The following CSMD1 variants were observed in gnomAD, a reference collection of about 807,000 sequenced individuals.
CSMD1 encodes CUB and sushi domain-containing protein 1.
In CSMD1, 213 loss-of-function variants were observed where a neutral mutation model predicts 417.5. The observed-to-expected ratio is 0.51, with a 90% CI of 0.46 to 0.57. The LOEUF is 0.57. Among genes scored for constraint, CSMD1 ranks in the 20% least tolerant of loss-of-function variants. CSMD1 has a pLI of 0.00. For missense variants in CSMD1, 6,923 were observed against 4,529.7 expected (o/e 1.53, Z -15.17); for synonymous variants, 2,862 against 1,736.8 (o/e 1.65, Z -16.11).
intron 7 of CSMD1, among the ~76,000 whole-genome samples, chr8:3,629,642 T>C (rs763672858): frequency 1.3e-5 from 2 of 152,222 alleles, no homozygotes; most frequent in Non-Finnish European, 2.9e-5. Context: ...AGGATTATTT[T>C]ATCAAGGAAT....
At chr8:4,094,955 T>C (rs1163273449) in intron 3 of CSMD1, among the ~76,000 whole-genome samples, 1 of 152,110 alleles carries the variant, frequency 6.6e-6, no homozygotes, top group Non-Finnish European at 1.5e-5. Context: ...AATGGGGAGA[T>C]AGTGAATAAA....
intron 5 of CSMD1, among the ~76,000 whole-genome samples, chr8:3,886,240 G>T (rs771918999): frequency 1.3e-4 from 19 of 151,980 alleles, no homozygotes; most frequent in Non-Finnish European, 2.5e-4. Flanking sequence ...GTAGAGATGG[G>T]GTTTCACCAT....
intron 21 of CSMD1, among the ~76,000 whole-genome samples, chr8:3,358,357 C>G (rs1444938162): frequency 6.6e-6 from 1 of 152,184 alleles, no homozygotes; most frequent in Admixed American, 6.5e-5. Context: ...ATATGCTGAG[C>G]AACATGGCTG....
At chr8:4,244,751 A>G (rs1262811825) in intron 3 of CSMD1, among the ~76,000 whole-genome samples, 4 of 152,164 alleles carry the variant, frequency 2.6e-5, no homozygotes, top group African/African-American at 9.7e-5. Context: ...TACAGTGAAG[A>G]GTTTTGCTAC....
intron 6 of CSMD1, among the ~76,000 whole-genome samples, chr8:3,725,972 G>C (rs1419335298): frequency 6.6e-6 from 1 of 152,186 alleles, no homozygotes; most frequent in Non-Finnish European, 1.5e-5. Flanking sequence ...AACAGTGGAA[G>C]TAATTGTGTG....
Position 4,401,945 on chromosome 8 carries a change from C to T in CSMD1, c.415+18008G>A, listed in dbSNP as rs535831476. 5.9e-5 allele frequency among the ~76,000 whole-genome samples: 9 copies of T among 152,178 alleles called. No homozygotes were observed. In the East Asian group the frequency reaches 7.8e-4, roughly 13 times the overall value. On this transcript the variant is annotated intron_variant, in intron 3 of 69. Transcript: ENST00000635120. Reference sequence around the variant, plus strand: ...AGCCATCCATCCCACCCTGCTCTCCCGTGCATTTGATACACTGGCTCCTTG... The same window carrying T: ...AGCCATCCATCCCACCCTGCTCTCCTGTGCATTTGATACACTGGCTCCTTG...
At chr8:4,868,796 C>A (rs1802564975) in intron 1 of CSMD1, among the ~76,000 whole-genome samples, 1 of 144,932 alleles carries the variant, frequency 6.9e-6, no homozygotes, top group South Asian at 2.2e-4. Flanking sequence ...AAAAAAAAAG[C>A]TTGTAAAAAT....
At chr8:2,991,809 T>C (rs943110108) in intron 54 of CSMD1, among the ~76,000 whole-genome samples, 7 of 152,194 alleles carry the variant, frequency 4.6e-5, no homozygotes, top group Admixed American at 1.3e-4. Context: ...GCAGTAGTCA[T>C]GGACAGTCAC....
In CSMD1 at chr8:4,737,837, G is replaced by A. The variant is rs181188369; in HGVS notation, c.86-100279C>T. ...GTAATGGGCAGCATATGGTAGGAAAGGGAGGAGGAGTCAAATATTGCAACC... is the reference window on the plus strand; with the variant it reads ...GTAATGGGCAGCATATGGTAGGAAAAGGAGGAGGAGTCAAATATTGCAACC... On this transcript the variant is annotated intron_variant, in intron 1 of 69. Coordinates refer to ENST00000635120, the MANE Select transcript of CSMD1 (RefSeq NM_033225.6). Among the ~76,000 whole-genome samples the A allele has an allele frequency of 8.9e-4, 135 of 152,310 alleles. No homozygotes were observed. In the Middle Eastern group the frequency reaches 0.014, roughly 15 times the overall value.
At chr8:4,098,135 A>G (rs1280096073) in intron 3 of CSMD1, among the ~76,000 whole-genome samples, 1 of 152,212 alleles carries the variant, frequency 6.6e-6, no homozygotes, top group African/African-American at 2.4e-5. Context: ...ATCAGATTTC[A>G]TATAAAACCC....
At chr8:3,610,264 G>A (rs113048662) in intron 8 of CSMD1, among the ~76,000 whole-genome samples, 2 of 152,250 alleles carry the variant, frequency 1.3e-5, no homozygotes, top group Middle Eastern at 3.4e-3. Context: ...TGTGGGCTGG[G>A]CACGGTATCA....
At chr8:4,211,810 G>C (rs1800328762) in intron 3 of CSMD1, among the ~76,000 whole-genome samples, 1 of 152,152 alleles carries the variant, frequency 6.6e-6, no homozygotes, top group Non-Finnish European at 1.5e-5. Context: ...CTGGACTTTA[G>C]ATGATAATTT....
chr8:4,922,055 C>G (rs1357024525), intron 1 of CSMD1, among the ~76,000 whole-genome samples: 1 of 152,184 alleles, frequency 6.6e-6, no homozygotes, highest in African/African-American at 2.4e-5. Context: ...AAACTGCCCT[C>G]TTCACTTGTA....
At chr8:3,253,873 C>T (rs1800454627) in intron 26 of CSMD1, among the ~76,000 whole-genome samples, 3 of 152,160 alleles carry the variant, frequency 2.0e-5, no homozygotes, top group African/African-American at 4.8e-5. Context: ...AGCCCATTTA[C>T]ATTTAAGGTT....
Position 2,936,764 on chromosome 8 carries a change from C to T in CSMD1, c.*1821G>A, listed in dbSNP as rs1192861823. 2.6e-5 allele frequency: 4 copies of T among 152,204 alleles called. No homozygotes were observed. The highest frequency in any genetic ancestry group is 7.2e-5 in the African/African-American group (3 of 41,438). The allele number at this position is 152,204 out of a possible 1,614,324, so 9.4% of individuals were successfully genotyped here. A position where few individuals can be genotyped will look rare whatever the true frequency, so the allele number is the denominator to read the frequency against. ...CTCTACGGAAATGTCCGAATCAAAA[C>T]GCGTGACTCTCCAAAGAATGCCCCA... On this transcript the variant is annotated 3_prime_UTR_variant, in exon 70 of 70. Transcript: ENST00000635120.
intron 5 of CSMD1, among the ~76,000 whole-genome samples, chr8:3,779,001 G>C (rs1022973493): frequency 1.3e-5 from 2 of 152,154 alleles, no homozygotes; most frequent in African/African-American, 2.4e-5. Flanking sequence ...TCTAGGCTCA[G>C]ATCAGCTCAG....
chr8:3,140,453 G>C (rs1159808775), intron 41 of CSMD1, among the ~76,000 whole-genome samples: 2 of 152,204 alleles, frequency 1.3e-5, no homozygotes, highest in Admixed American at 6.5e-5. Flanking sequence ...AACACAGAAA[G>C]AGTGTTTCAT....
chr8:4,323,532 G>A (rs1047393540), intron 3 of CSMD1, among the ~76,000 whole-genome samples: 1 of 152,046 alleles, frequency 6.6e-6, no homozygotes, highest in African/African-American at 2.4e-5. Context: ...TAAGGATCCT[G>A]ACCAGTGTGG....
At chr8:3,027,981 T>C (rs957667619) in intron 51 of CSMD1, among the ~76,000 whole-genome samples, 5 of 152,112 alleles carry the variant, frequency 3.3e-5, no homozygotes, top group Non-Finnish European at 5.9e-5. Context: ...GTTGTGAGCA[T>C]GGAAGATTGT....
Sources: allele counts gnomAD v4.1 joint callset (sites outside exome capture counted in the v4.1 genomes callset), GRCh38; gene constraint gnomAD v4.1.1; transcripts MANE v1.5; gene names NCBI Gene and HGNC (gene_info 2026-07-23, HGNC 2026-07-21).